CADPS: variants seen among roughly 807,000 people sequenced by gnomAD.
CADPS encodes calcium-dependent secretion activator 1.
A neutral mutation model predicts 167.3 loss-of-function variants in CADPS; 57 were observed. The observed-to-expected ratio is 0.34, with a 90% confidence interval of 0.28 to 0.42. The LOEUF is 0.42. Ranked by LOEUF, CADPS falls within the 20% of genes least tolerant of loss-of-function variation. The pLI is 1.00. For synonymous variants in CADPS, 676 were observed against 635.3 expected (o/e 1.06, Z -0.96); for missense variants, 1,414 against 1,738.1 (o/e 0.81, Z 3.32).
At chr3:62,762,588 T>C (rs1239916634) in intron 2 of CADPS, among the ~76,000 whole-genome samples, 2 of 147,330 alleles carry the variant, frequency 1.4e-5, no homozygotes, top group African/African-American at 5.1e-5. Context: ...CCAGGGAGGT[T>C]GAGGCTGCAG....
At chr3:62,677,300 C>T (rs2076480120) in intron 3 of CADPS, among the ~76,000 whole-genome samples, 1 of 152,008 alleles carries the variant, frequency 6.6e-6, no homozygotes, top group African/African-American at 2.4e-5. Context: ...ACCAAAACAA[C>T]AACAACAGCA....
At position 62,444,372 on chromosome 3, in the gene CADPS, T is replaced by C. The variant is rs2056867244; in HGVS notation, c.3669+1393A>G. 2.6e-5 allele frequency among the ~76,000 whole-genome samples: 4 copies of C among 152,304 alleles called. 1 individual carries two copies. Among genetic ancestry groups the C allele is most frequent in the Admixed American group, 1.3e-4 (2 of 15,292 alleles). On this transcript the variant is annotated intron_variant, in intron 27 of 29. Coordinates refer to ENST00000383710, the MANE Select transcript of CADPS (RefSeq NM_003716.4). ...AATTCCTAATAAGTGCCAGGTATGG[T>C]GCTGGATGTTCTATGTATGTTGTGT...
chr3:62,654,349 T>C (rs1259885779), intron 4 of CADPS, among the ~76,000 whole-genome samples: 1 of 152,140 alleles, frequency 6.6e-6, no homozygotes, highest in Non-Finnish European at 1.5e-5. Context: ...GGAAGTATAA[T>C]GTGATGCAAA....
chr3:62,774,394 T>C (rs543568599), intron 1 of CADPS, among the ~76,000 whole-genome samples: 11 of 152,190 alleles, frequency 7.2e-5, no homozygotes, highest in Non-Finnish European at 1.0e-4. Flanking sequence ...TCTTCTGGCA[T>C]GTGGTCAAAT....
At position 62,741,764 on chromosome 3, in the gene CADPS, T is replaced by C. The variant is rs142364857; in HGVS notation, c.888+11677A>G. ...CTTCTATCCAACACTGTATCGGAAG[T>C]CTTGGCCAGGGCAATGAAGCAAGAG... On this transcript the variant is annotated intron_variant, in intron 3 of 29. Coordinates refer to ENST00000383710, the MANE Select transcript of CADPS (RefSeq NM_003716.4). 6.2e-4 allele frequency among the ~76,000 whole-genome samples: 95 copies of C among 152,202 alleles called. 2 individuals carry two copies. The highest frequency in any genetic ancestry group is 2.0e-3 in the African/African-American group (84 of 41,536).
intron 3 of CADPS, among the ~76,000 whole-genome samples, chr3:62,703,457 G>T (rs2151605957): frequency 6.6e-6 from 1 of 152,194 alleles, no homozygotes; most frequent in Admixed American, 6.5e-5. Flanking sequence ...TCTGTTGTGT[G>T]GATTTGAGAA....
At position 62,615,838 on chromosome 3, in the gene CADPS, A is replaced by G. The variant is rs999544677; in HGVS notation, c.1326-23090T>C. On this transcript the variant is annotated intron_variant, in intron 6 of 29. Coordinates refer to ENST00000383710, the MANE Select transcript of CADPS (RefSeq NM_003716.4). ...TGTTGACAATCAGAATTCTGTGACTATTCATGTTTTGAACTCTCCTCTTAT... is the reference window on the plus strand; with the variant it reads ...TGTTGACAATCAGAATTCTGTGACTGTTCATGTTTTGAACTCTCCTCTTAT... 1.6e-4 allele frequency among the ~76,000 whole-genome samples: 25 copies of G among 152,170 alleles called. 1 individual carries two copies. The highest frequency in any genetic ancestry group is 1.3e-4 in the Admixed American group (2 of 15,272).
chr3:62,492,471 T>C (rs1576770288), intron 19 of CADPS, 25 bp from the exon 20 acceptor site: 6 of 1,608,638 alleles, frequency 3.7e-6, no homozygotes, highest in Non-Finnish European at 5.1e-6. Flanking sequence ...AGAAAAACAA[T>C]AGACAAAGAA....
At chr3:62,710,409 A>G (rs2083173257) in intron 3 of CADPS, among the ~76,000 whole-genome samples, 1 of 152,144 alleles carries the variant, frequency 6.6e-6, no homozygotes, top group Admixed American at 6.5e-5. Context: ...AATTAAAAAA[A>G]AAATCTGAGA....
At chr3:62,757,326 T>C (rs2084193052) in intron 2 of CADPS, among the ~76,000 whole-genome samples, 1 of 152,126 alleles carries the variant, frequency 6.6e-6, no homozygotes, top group African/African-American at 2.4e-5. Context: ...CCACTGTTTT[T>C]GTGACTGTTT....
At position 62,855,026 on chromosome 3, in the gene CADPS, G is replaced by A. The variant is rs538073893; in HGVS notation, c.441+19563C>T. On this transcript the variant is annotated intron_variant, in intron 1 of 29. Transcript: ENST00000383710. ...TACAACCTCCACCTCCTGGGTTCAA[G>A]CAATTCCCATGCCTCAGCCTCCCCA... Among the ~76,000 whole-genome samples, 152 of 150,380 alleles carry A rather than the reference G, an allele frequency of 1.0e-3. 1 individual carries two copies. The highest frequency in any genetic ancestry group is 3.4e-3 in the African/African-American group (141 of 41,158).
rs2060156973 is a variant in CADPS, at chr3:62,602,750, T to A, written c.1326-10002A>T. Among the ~76,000 whole-genome samples, 1 of 152,190 alleles carries A rather than the reference T, an allele frequency of 6.6e-6. No individual in the cohort carries two copies. The highest frequency in any genetic ancestry group is 1.5e-5 in the Non-Finnish European group (1 of 68,040). ...TGGTTTGCCTCCTTGACATTTCCAC[T>A]GGAACGTCTCCTCTCCAGGAGTCTG... On this transcript the variant is annotated intron_variant, in intron 6 of 29. Transcript: ENST00000383710. This position sits in a 1 kb window ranked among gnomAD's most constrained non-coding sequence, Gnocchi z 4.4.
At chr3:62,805,369 A>C (rs2094027044) in intron 1 of CADPS, among the ~76,000 whole-genome samples, 7 of 152,174 alleles carry the variant, frequency 4.6e-5, no homozygotes. Context: ...CTGAGGAAGA[A>C]ACTGAAGCTA....
At chr3:62,661,397 G>A (rs967443466) in intron 4 of CADPS, among the ~76,000 whole-genome samples, 2 of 152,116 alleles carry the variant, frequency 1.3e-5, no homozygotes, top group Non-Finnish European at 2.9e-5. Context: ...GAGAAACATG[G>A]TTACTCCAGG....
intron 10 of CADPS, among the ~76,000 whole-genome samples, chr3:62,551,181 A>G (rs1023450318): frequency 6.6e-6 from 1 of 152,112 alleles, no homozygotes; most frequent in South Asian, 2.1e-4. Context: ...TCTGATAGAC[A>G]TCCCAAGCTT....
intron 3 of CADPS, among the ~76,000 whole-genome samples, chr3:62,724,254 T>C (rs1219713178): frequency 1.3e-5 from 2 of 152,162 alleles, no homozygotes; most frequent in African/African-American, 2.4e-5. Context: ...CCTGATTTTT[T>C]CCTCATCCAC....
intron 6 of CADPS, among the ~76,000 whole-genome samples, chr3:62,612,508 G>T (rs2061641955): frequency 6.6e-6 from 1 of 152,182 alleles, no homozygotes; most frequent in African/African-American, 2.4e-5. Flanking sequence ...GACTTTCCAG[G>T]CTAGTTCCAG....
chr3:62,761,725 T>C (rs1020065460), intron 2 of CADPS, among the ~76,000 whole-genome samples: 10 of 151,954 alleles, frequency 6.6e-5, no homozygotes, highest in African/African-American at 2.4e-4. Context: ...GCTTATATTT[T>C]GGACATTTTT....
Position 62,514,201 on chromosome 3 carries a change from G to T in CADPS, c.2582-1433C>A, listed in dbSNP as rs1429625673. Among the ~76,000 whole-genome samples, 1 of 152,044 alleles carries T rather than the reference G, an allele frequency of 6.6e-6. No homozygotes were observed. Among genetic ancestry groups the T allele is most frequent in the Admixed American group, 6.6e-5 (1 of 15,262 alleles). Reference sequence around the variant, plus strand: ...TCTCTGAGGGTAGGATCAGAGCCTTGTAAAAGAAAGTTGTCTGGTAGTAAT... The same window carrying T: ...TCTCTGAGGGTAGGATCAGAGCCTTTTAAAAGAAAGTTGTCTGGTAGTAAT... On this transcript the variant is annotated intron_variant, in intron 16 of 29. Transcript: ENST00000383710. This position sits in a 1 kb window ranked among gnomAD's most constrained non-coding sequence, Gnocchi z 4.2.
Sources: allele counts gnomAD v4.1 joint callset (sites outside exome capture counted in the v4.1 genomes callset), GRCh38; gene constraint gnomAD v4.1.1; non-coding constraint Gnocchi (gnomAD v3.1); transcripts MANE v1.5; gene names NCBI Gene and HGNC (gene_info 2026-07-23, HGNC 2026-07-21).